Variants in ABTB2 observed in about 807,000 individuals in gnomAD.
ABTB2 encodes ankyrin repeat and BTB domain containing 2, also known as ankyrin repeat and BTB/POZ domain-containing protein 2.
Under a neutral mutation model 104.1 loss-of-function variants are expected in ABTB2, and 56 were observed. The ratio of observed to expected loss-of-function variants is 0.54; its 90% CI spans 0.43 to 0.67. The LOEUF is 0.67. Ranked by LOEUF, ABTB2 falls within the 30% of genes least tolerant of loss-of-function variation. The pLI is 0.00. For synonymous variants in ABTB2, 606 were observed against 608.2 expected, an observed-to-expected ratio of 1.00 and a Z score of 0.05; for missense variants, 1,279 against 1,407.7, an observed-to-expected ratio of 0.91 and a Z score of 1.46.
chr11:34,211,544 G>A (rs1466883421), intron 1 of ABTB2, among the ~76,000 whole-genome samples: 1 of 152,018 alleles, frequency 6.6e-6, no homozygotes, highest in Non-Finnish European at 1.5e-5. Context: ...GGAAAAACCT[G>A]AAGTGGAATG....
In ABTB2 at chr11:34,167,334, A is replaced by C; in HGVS notation, c.1680T>G (p.Pro560=). The C allele has an allele frequency of 1.2e-6, 2 of 1,613,414 alleles. No homozygotes were observed. Among genetic ancestry groups the C allele is most frequent in the Non-Finnish European group, 1.7e-6 (2 of 1,179,682 alleles). Residue 560 remains proline (P), a synonymous_variant, in exon 7 of 17, where the codon CCT becomes CCG. Transcript: ENST00000435224. ...AGTGCCGGCTGTCGGGGTGGATGGA[A>C]GGGTGCCTGGGGGAGTTGCTTGGAA... ...IQVPSNSPRH[P]SIHPDSRHWT...
chr11:34,269,465 A>G (rs1230544063), intron 1 of ABTB2, among the ~76,000 whole-genome samples: 1 of 152,158 alleles, frequency 6.6e-6, no homozygotes, highest in African/African-American at 2.4e-5. Flanking sequence ...CCCCTCCATG[A>G]CCTAGGCCAC....
At chr11:34,249,087 C>T (rs1854022779) in intron 1 of ABTB2, among the ~76,000 whole-genome samples, 1 of 152,244 alleles carries the variant, frequency 6.6e-6, no homozygotes, top group African/African-American at 2.4e-5. Context: ...CGGGATCGTG[C>T]CATTGCACTC....
Position 34,172,806 on chromosome 11 carries a change from G to A in ABTB2, c.1397+349C>T, listed in dbSNP as rs145942109. 2.3e-3 allele frequency among the ~76,000 whole-genome samples: 356 copies of A among 152,312 alleles called. 2 individuals are homozygous for A. The highest frequency in any genetic ancestry group is 7.7e-3 in the African/African-American group (321 of 41,566). On this transcript the variant is annotated intron_variant, in intron 4 of 16. Coordinates refer to ENST00000435224, the MANE Select transcript of ABTB2 (RefSeq NM_145804.3). ...GCACCCAGGAAGGGCTCCATGTGGT[G>A]TCAATTACAGGAACAGAGGAAAGAA...
chr11:34,262,585 C>G (rs185805522), intron 1 of ABTB2, among the ~76,000 whole-genome samples: 22 of 152,282 alleles, frequency 1.4e-4, no homozygotes, highest in African/African-American at 4.8e-4. Flanking sequence ...CCAGCCCACC[C>G]CCACAATCTT....
At chr11:34,313,881 C>T (rs904609279) in intron 1 of ABTB2, among the ~76,000 whole-genome samples, 1 of 152,180 alleles carries the variant, frequency 6.6e-6, no homozygotes, top group African/African-American at 2.4e-5. Context: ...AAAGCCCTCC[C>T]CACCGTCCTC....
intron 1 of ABTB2, among the ~76,000 whole-genome samples, chr11:34,270,037 G>A (rs1275790001): frequency 6.6e-6 from 1 of 152,190 alleles, no homozygotes; most frequent in Non-Finnish European, 1.5e-5. Context: ...CTTATCTGGT[G>A]ACCCATCAGC....
intron 1 of ABTB2, among the ~76,000 whole-genome samples, chr11:34,277,936 C>G (rs961539725): frequency 5.3e-5 from 8 of 150,692 alleles, no homozygotes; most frequent in African/African-American, 1.9e-4. Flanking sequence ...TCCCAAGTAG[C>G]TGGGATTACA....
intron 1 of ABTB2, among the ~76,000 whole-genome samples, chr11:34,321,170 A>C (rs900484772): frequency 2.6e-5 from 4 of 152,224 alleles, no homozygotes; most frequent in African/African-American, 9.6e-5. Flanking sequence ...CAACAAGAGC[A>C]AAACTCCATC....
chr11:34,272,732 C>CAAAAAA (rs1491413447), intron 1 of ABTB2, among the ~76,000 whole-genome samples: 7 of 92,926 alleles, frequency 7.5e-5, no homozygotes, highest in African/African-American at 3.6e-4. Context: ...AAAAAAAAAA[C>CAAAAAA]CAACCAACCA....
At chr11:34,229,373 C>T (rs917602563) in intron 1 of ABTB2, among the ~76,000 whole-genome samples, 5 of 147,928 alleles carry the variant, frequency 3.4e-5, no homozygotes, top group African/African-American at 1.2e-4. Context: ...CCCAGCTACT[C>T]GGGAGGCTAA....
At chr11:34,193,777 A>T (rs557551450) in intron 3 of ABTB2, among the ~76,000 whole-genome samples, 16 of 152,330 alleles carry the variant, frequency 1.1e-4, no homozygotes, top group African/African-American at 3.6e-4. Context: ...CTCTGCCCCA[A>T]AGCCTGTACT....
chr11:34,205,985 T>G (rs1489188752), intron 1 of ABTB2, among the ~76,000 whole-genome samples: 2 of 152,190 alleles, frequency 1.3e-5, no homozygotes, highest in Admixed American at 6.5e-5. Flanking sequence ...GAGTACATGC[T>G]CTACCAAGTG....
chr11:34,282,072 G>T (rs1854454513), intron 1 of ABTB2, among the ~76,000 whole-genome samples: 1 of 152,188 alleles, frequency 6.6e-6, no homozygotes, highest in Admixed American at 6.5e-5. Flanking sequence ...TGGAGACTGG[G>T]AAGTACAAGA....
At chr11:34,213,012 C>T (rs1018804548) in intron 1 of ABTB2, among the ~76,000 whole-genome samples, 5 of 152,162 alleles carry the variant, frequency 3.3e-5, no homozygotes, top group East Asian at 1.9e-4. Context: ...AACCTCACTC[C>T]GAACACCGGG....
Position 34,154,601 on chromosome 11 carries a change from G to C in ABTB2, c.2766+100C>G, listed in dbSNP as rs1852594494. 8.2e-7 allele frequency: 1 copy of C among 1,213,786 alleles called. No homozygotes were observed. Among genetic ancestry groups the C allele is most frequent in the Non-Finnish European group, 1.2e-6 (1 of 833,160 alleles). The allele number at this position is 1,213,786 out of a possible 1,614,324, so 75.2% of individuals were successfully genotyped here. On this transcript the variant is annotated intron_variant, in intron 15 of 16. Transcript: ENST00000435224. The surrounding 1 kb of genome is among the most constrained non-coding windows in gnomAD (Gnocchi z 4.9). ...TTTCTGGGAACTGCTCTTCCTGTCA[G>C]ATGGAGAGGAAGAGCCACCTTCCCT...
Position 34,164,675 on chromosome 11 carries a change from C to T in ABTB2, c.1988+11G>A, listed in dbSNP as rs749159223. On this transcript the variant is annotated intron_variant, in intron 9 of 16. Transcript: ENST00000435224. ...CTCATGTCACACAGGGTGGGAATCCCGGGCAGGTACCTGTGGCCGTGGGCA... is the reference window on the plus strand; with the variant it reads ...CTCATGTCACACAGGGTGGGAATCCTGGGCAGGTACCTGTGGCCGTGGGCA... 12 of 1,494,102 alleles carry T rather than the reference C, an allele frequency of 8.0e-6. No homozygotes were observed. The highest frequency in any genetic ancestry group is 5.5e-5 in the South Asian group (4 of 72,402). 92.6% of individuals were successfully genotyped at this position (1,494,102 alleles called of 1,614,324 possible).
intron 3 of ABTB2, 87 bp downstream of exon 3, chr11:34,197,238 G>C (rs1212102226): frequency 4.2e-6 from 6 of 1,439,566 alleles, no homozygotes; most frequent in Non-Finnish European, 5.8e-6. Flanking sequence ...CGCCCTGTTG[G>C]TCAGTCGTCA....
At chr11:34,193,862 C>T (rs111888508) in intron 3 of ABTB2, among the ~76,000 whole-genome samples, 1,618 of 152,306 alleles carry the variant, frequency 0.011, 43 homozygotes, top group South Asian at 0.065. Flanking sequence ...TGCAAGGCTG[C>T]CCGCTCACCA....
Sources: gnomAD v4.1 joint callset for allele counts (sites outside exome capture counted in the v4.1 genomes callset) on GRCh38, gnomAD v4.1.1 for gene constraint, Gnocchi (gnomAD v3.1) non-coding constraint, MANE v1.5 for transcripts, NCBI Gene and HGNC (gene_info 2026-07-23, HGNC 2026-07-21) for gene names.